Variants in KMT2C observed in about 807,000 individuals in gnomAD.
KMT2C encodes histone-lysine N-methyltransferase 2C.
KMT2C carries 88 observed loss-of-function variants against 507.9 expected under a neutral mutation model. The observed-to-expected ratio is 0.17, with a 90% CI of 0.15 to 0.21. The LOEUF is 0.21. KMT2C is among the 10% of genes least tolerant of loss of function. The pLI is 1.00. For synonymous variants in KMT2C, 2,049 were observed against 2,080.8 expected (o/e 0.98, Z 0.42); for missense variants, 4,954 against 5,957.8 (o/e 0.83, Z 5.55).
intron 3 of KMT2C, among the ~76,000 whole-genome samples, chr7:152,327,691 A>G (rs2096841482): frequency 6.6e-6 from 1 of 152,044 alleles, no homozygotes; most frequent in Non-Finnish European, 1.5e-5. Flanking sequence ...GGGCGCGGTG[A>G]CTCACGCCTG....
At chr7:152,299,176 G>A (rs2096542640) in intron 6 of KMT2C, among the ~76,000 whole-genome samples, 1 of 151,880 alleles carries the variant, frequency 6.6e-6, no homozygotes, top group Non-Finnish European at 1.5e-5. Context: ...AAATTAGCTG[G>A]GTGTGGTGGT....
chr7:152,260,776 G>A (rs1158762985), intron 9 of KMT2C, among the ~76,000 whole-genome samples: 6 of 152,196 alleles, frequency 3.9e-5, no homozygotes, highest in Admixed American at 1.3e-4. Flanking sequence ...CCAAGACTCC[G>A]AAAGATTGAG....
rs367688749 is a variant in KMT2C at position 152,409,563 on chromosome 7, C to CAAA, written c.161+26060_161+26062dup. 5.7e-4 allele frequency among the ~76,000 whole-genome samples: 56 copies of CAAA among 98,774 alleles called. 1 individual carries two copies. Among genetic ancestry groups the CAAA allele is most frequent in the Admixed American group, 2.4e-3 (21 of 8,886 alleles). The allele number at this position is 98,774 out of a possible 152,430, so 64.8% of individuals were successfully genotyped here. ...TGAAACCCCATGTCTGCTAAAAATA[C>CAAA]AAAAAAAAAAAAAAAAAATTAGCCA... On this transcript the variant is annotated intron_variant, in intron 1 of 58. Coordinates refer to ENST00000262189, the MANE Select transcript of KMT2C (RefSeq NM_170606.3).
At chr7:152,342,008 G>T (rs903665648) in intron 2 of KMT2C, among the ~76,000 whole-genome samples, 1 of 152,146 alleles carries the variant, frequency 6.6e-6, no homozygotes, top group Non-Finnish European at 1.5e-5. Flanking sequence ...ATAACCAAAA[G>T]GCGCTGAAGT....
intron 1 of KMT2C, among the ~76,000 whole-genome samples, chr7:152,435,014 TGGGGGAG>T (rs1310242521): frequency 4.6e-5 from 7 of 151,748 alleles, no homozygotes; most frequent in Non-Finnish European, 7.4e-5. Flanking sequence ...TGCTGGGTGT[TGGGGGAG>T]GGGGGAGGAA....
At chr7:152,218,962 A>C (rs1306292991) in intron 23 of KMT2C, among the ~76,000 whole-genome samples, 1 of 147,156 alleles carries the variant, frequency 6.8e-6, no homozygotes, top group Non-Finnish European at 1.5e-5. Flanking sequence ...ACCCATCTGT[A>C]CTTCCAATTC....
intron 1 of KMT2C, among the ~76,000 whole-genome samples, chr7:152,387,966 C>A (rs1435231115): frequency 2.6e-5 from 4 of 151,556 alleles, no homozygotes; most frequent in Non-Finnish European, 4.4e-5. Flanking sequence ...AGCACATATA[C>A]CTTTAGAATA....
intron 6 of KMT2C, among the ~76,000 whole-genome samples, chr7:152,293,618 A>G (rs2096457946): frequency 6.6e-6 from 1 of 152,162 alleles, no homozygotes; most frequent in Non-Finnish European, 1.5e-5. Flanking sequence ...GTCCTTTACA[A>G]TACCAAAGAA....
intron 40 of KMT2C, 95 bp from the exon 41 acceptor site, chr7:152,169,344 GA>G: frequency 4.3e-6 from 3 of 699,380 alleles, no homozygotes; most frequent in Middle Eastern, 3.8e-4. Context: ...AGAAATGGAA[GA>G]AAAAACCCTT....
intron 9 of KMT2C, among the ~76,000 whole-genome samples, chr7:152,253,148 C>T (rs1164785691): frequency 6.6e-6 from 1 of 152,064 alleles, no homozygotes; most frequent in African/African-American, 2.4e-5. Context: ...AGCCACTGCG[C>T]CTGGCCTTAG....
intron 1 of KMT2C, among the ~76,000 whole-genome samples, chr7:152,389,844 A>G (rs1411832790): frequency 2.0e-5 from 3 of 152,200 alleles, no homozygotes; most frequent in African/African-American, 7.2e-5. Flanking sequence ...CCCTCGCAAA[A>G]AAAGGTAAAA....
chr7:152,170,384 T>C lies in KMT2C; in HGVS notation c.9453+880A>G, dbSNP rs374215796. Among the ~76,000 whole-genome samples, 62 of 152,068 alleles carry C rather than the reference T, an allele frequency of 4.1e-4. 1 individual carries two copies. The highest frequency in any genetic ancestry group is 1.4e-3 in the African/African-American group (60 of 41,434). Reference sequence around the variant, plus strand: ...ATAAAAAAAAAATCACTGACAAAAATACTGCATGAGTTTTACTTCCCCAGA... The same window carrying C: ...ATAAAAAAAAAATCACTGACAAAAACACTGCATGAGTTTTACTTCCCCAGA... On this transcript the variant is annotated intron_variant, in intron 40 of 58. Transcript: ENST00000262189.
At chr7:152,330,894 G>A (rs996042845) in intron 2 of KMT2C, among the ~76,000 whole-genome samples, 155 bp from the exon 3 acceptor site, 3 of 152,184 alleles carry the variant, frequency 2.0e-5, no homozygotes, top group Admixed American at 6.5e-5. Context: ...CGTAATTAGT[G>A]GTATTGTGCA....
Position 152,177,563 on chromosome 7 carries a change from T to C in KMT2C, c.7890A>G (p.Pro2630=), listed in dbSNP as rs896643487. The C allele has an allele frequency of 6.2e-7, 1 of 1,614,242 alleles. No individual in the cohort carries two copies. Among genetic ancestry groups the C allele is most frequent in the South Asian group, 1.1e-5 (1 of 91,090 alleles). ...PVHPDLEQVP[P]SQQEQGHSVH... is the part of the protein sequence containing the mutation. ...CAGAATGACCTTGCTCTTGTTGAGA[T>C]GGTGGCACTTGTTCCAAATCTGGGT... The change falls in exon 38 of 59, where the codon CCA becomes CCG. Residue 2630 remains proline (P), a synonymous_variant. Transcript: ENST00000262189.
chr7:152,158,736 G>C (rs1049283203), intron 44 of KMT2C, 127 bp downstream of exon 44: 14 of 809,900 alleles, frequency 1.7e-5, no homozygotes, highest in Non-Finnish European at 2.7e-5. Context: ...AGCTCATCTA[G>C]AACTCATGCC....
At position 152,331,496 on chromosome 7, in the gene KMT2C, C is replaced by A. The variant is rs944573653; in HGVS notation, c.251-757G>T. On this transcript the variant is annotated intron_variant, in intron 2 of 58. Transcript: ENST00000262189. ...TAGTGGCACACACCTGTAGTCCTAG[C>A]GACTCTGGTGGCTGAGGTGGGAGAA... 4.0e-5 allele frequency among the ~76,000 whole-genome samples: 6 copies of A among 151,512 alleles called. No homozygotes were observed. In the East Asian group the frequency reaches 9.7e-4, roughly 25 times the overall value.
chr7:152,296,610 GAGAGGAACTGGATCAAGAAAGAGACCAAT>G (rs2096499034), intron 6 of KMT2C, among the ~76,000 whole-genome samples: 2 of 152,000 alleles, frequency 1.3e-5, no homozygotes, highest in African/African-American at 4.8e-5. Flanking sequence ...TTTTGCTCAT[GAGAGGAACTGGATCAAGAAAGAGACCAAT>G]ATGTTCTGGA....
rs574085123 is a variant in KMT2C, at chr7:152,383,179, C to CT, written c.162-24505dup. Reference sequence around the variant, plus strand: ...GCATGCATGTAAATAAAATATACCTCTAAGTCTTGTAACCTTAAGATGGTG... The same window carrying CT: ...GCATGCATGTAAATAAAATATACCTCTTAAGTCTTGTAACCTTAAGATGGTG... On this transcript the variant is annotated intron_variant, in intron 1 of 58. Coordinates refer to ENST00000262189, the MANE Select transcript of KMT2C (RefSeq NM_170606.3). Among the ~76,000 whole-genome samples the CT allele has an allele frequency of 5.3e-5, 8 of 151,924 alleles. No homozygotes were observed. In the South Asian group the frequency reaches 6.2e-4, roughly 12 times the overall value.
chr7:152,182,624 T>G, intron 35 of KMT2C, 30 bp from the exon 36 acceptor site: 1 of 1,515,258 alleles, frequency 6.6e-7, no homozygotes, highest in Non-Finnish European at 8.8e-7. Context: ...AAAGCAATCA[T>G]ATTTAGGTTA....
Sources: gnomAD v4.1 joint callset for allele counts (sites outside exome capture counted in the v4.1 genomes callset) on GRCh38, gnomAD v4.1.1 for gene constraint, MANE v1.5 for transcripts, NCBI Gene and HGNC (gene_info 2026-07-23, HGNC 2026-07-21) for gene names.